DDX19B: variants seen among roughly 807,000 people sequenced by gnomAD.
The protein encoded by DDX19B is ATP-dependent RNA helicase DDX19B.
Under a neutral mutation model 58.1 loss-of-function variants are expected in DDX19B, and 27 were observed. That is an observed-to-expected ratio of 0.46 (90% CI 0.34 to 0.64). The LOEUF is 0.64. Ranked by LOEUF, DDX19B falls within the 30% of genes least tolerant of loss-of-function variation. The pLI is 0.01. For missense variants in DDX19B, 399 were observed against 596.5 expected (o/e 0.67, Z 3.45); for synonymous variants, 187 against 214.4 (o/e 0.87, Z 1.12).
At chr16:70,319,979 C>A (rs1026844343) in intron 5 of DDX19B, among the ~76,000 whole-genome samples, 1 of 152,100 alleles carries the variant, frequency 6.6e-6, no homozygotes, top group Non-Finnish European at 1.5e-5. Flanking sequence ...GACATTTTCT[C>A]CAGATGGATA....
chr16:70,297,017 G>A (rs1269902655), upstream of DDX19B, among the ~76,000 whole-genome samples: 1 of 152,120 alleles, frequency 6.6e-6, no homozygotes, highest in Non-Finnish European at 1.5e-5. Flanking sequence ...CCGGGTTCAA[G>A]CGATTCTCCT....
At chr16:70,322,795 G>A (rs1962912936) in intron 5 of DDX19B, among the ~76,000 whole-genome samples, 1 of 151,362 alleles carries the variant, frequency 6.6e-6, no homozygotes, top group Admixed American at 6.6e-5. Flanking sequence ...TGGAGGCTGG[G>A]GCAGAAGAAT....
At chr16:70,330,938 G>A (rs943050064) in intron 9 of DDX19B, among the ~76,000 whole-genome samples, 6 of 151,816 alleles carry the variant, frequency 4.0e-5, no homozygotes, top group Admixed American at 2.0e-4. Context: ...CCAGCTGCTT[G>A]GGAGGCTCAG....
Position 70,331,898 on chromosome 16 carries a change from G to A in DDX19B, c.1186+14G>A, listed in dbSNP as rs374845435. On this transcript the variant is annotated intron_variant, in intron 10 of 11. Coordinates refer to ENST00000288071, the MANE Select transcript of DDX19B (RefSeq NM_007242.7). ...TGTGTGCCCGCGGTGAGCAGAGGACGTGTCCCACCTGGTCTGCCAGGCTTG... is the reference window on the plus strand; with the variant it reads ...TGTGTGCCCGCGGTGAGCAGAGGACATGTCCCACCTGGTCTGCCAGGCTTG... 5.4e-5 allele frequency: 87 copies of A among 1,611,310 alleles called. No homozygotes were observed. The highest frequency in any genetic ancestry group is 6.1e-5 in the Non-Finnish European group (72 of 1,178,420).
At position 70,308,816 on chromosome 16, in the gene DDX19B, T is replaced by C. The variant is rs145324465; in HGVS notation, c.58-3793T>C. ...GTGTGAGCCACTGTGCCCAGCTGTT[T>C]TTTTTTTTTTAAAGTTCTAGGGTGC... On this transcript the variant is annotated intron_variant, in intron 1 of 11. Transcript: ENST00000288071. Among the ~76,000 whole-genome samples, 744 of 151,888 alleles carry C rather than the reference T, an allele frequency of 4.9e-3. 13 individuals are homozygous for C. The highest frequency in any genetic ancestry group is 0.017 in the African/African-American group (689 of 41,410).
At chr16:70,318,609 T>C (rs963979688) in intron 5 of DDX19B, among the ~76,000 whole-genome samples, 1 of 147,560 alleles carries the variant, frequency 6.8e-6, no homozygotes, top group Non-Finnish European at 1.5e-5. Context: ...CTGACCAACA[T>C]GGCTAAACCC....
chr16:70,320,334 G>A (rs1289275301), intron 5 of DDX19B, among the ~76,000 whole-genome samples: 3 of 148,842 alleles, frequency 2.0e-5, no homozygotes, highest in Non-Finnish European at 4.5e-5. Context: ...TCTTAATCTC[G>A]TGGCCTCAAG....
At chr16:70,332,666 T>C (rs1429274846) in intron 10 of DDX19B, among the ~76,000 whole-genome samples, 2 of 152,182 alleles carry the variant, frequency 1.3e-5, no homozygotes, top group African/African-American at 2.4e-5. Flanking sequence ...ACAGTGATTT[T>C]TGTCTCCTGT....
At chr16:70,323,401 T>C (rs985781490) in intron 5 of DDX19B, among the ~76,000 whole-genome samples, 1 of 151,558 alleles carries the variant, frequency 6.6e-6, no homozygotes, top group Admixed American at 6.6e-5. Context: ...CCACTGCACC[T>C]GACCTTGCCT....
rs758096529 is a variant in DDX19B, at chr16:70,333,096, G to A, written c.1315G>A (p.Ala439Thr). The change falls in exon 11 of 12, where the codon GCA becomes ACA. Residue 439 changes from alanine (A) to threonine (T), a missense_variant. Coordinates refer to ENST00000288071, the MANE Select transcript of DDX19B (RefSeq NM_007242.7). ...GGGCCGCTTTGGCAAGAGGGGCCTG[G>A]CAGTGAACATGGTGGACAGCAAGCA... The part of the protein sequence containing the change: ...RTGRFGKRGL[A>T]VNMVDSKHSM... The A allele has an allele frequency of 4.4e-6, 7 of 1,585,796 alleles. No homozygotes were observed. In the South Asian group the frequency reaches 7.9e-5, roughly 18 times the overall value.
intron 2 of DDX19B, among the ~76,000 whole-genome samples, chr16:70,313,427 A>G (rs1428046419): frequency 6.6e-6 from 1 of 152,214 alleles, no homozygotes; most frequent in Non-Finnish European, 1.5e-5. Context: ...CTGGGATTAC[A>G]GGAGTGAGAT....
chr16:70,328,734 C>T (rs2152212781), intron 7 of DDX19B, among the ~76,000 whole-genome samples: 1 of 152,138 alleles, frequency 6.6e-6, no homozygotes, highest in Non-Finnish European at 1.5e-5. Context: ...AATGCTAGAT[C>T]TTACTTATTT....
chr16:70,294,944 G>T, upstream of DDX19B: 2 of 1,486,556 alleles, frequency 1.3e-6, no homozygotes, highest in Non-Finnish European at 1.8e-6. Context: ...GTAGAAGCCA[G>T]ACCCTTTCCT....
chr16:70,318,462 A>G (rs1445564072), intron 5 of DDX19B, among the ~76,000 whole-genome samples: 1 of 152,014 alleles, frequency 6.6e-6, no homozygotes, highest in Non-Finnish European at 1.5e-5. Context: ...GGAGACTTCT[A>G]GACTTTTCTC....
intron 5 of DDX19B, among the ~76,000 whole-genome samples, chr16:70,318,809 A>AAG (rs991959596): frequency 6.7e-6 from 1 of 149,558 alleles, no homozygotes; most frequent in African/African-American, 2.5e-5. Context: ...AAAAAAAAAA[A>AAG]AAAGTTGACA....
upstream of DDX19B, among the ~76,000 whole-genome samples, chr16:70,296,808 G>A (rs1206206587): frequency 6.6e-6 from 1 of 152,092 alleles, no homozygotes; most frequent in African/African-American, 2.4e-5. Context: ...ATAGCAAGTA[G>A]AATGTTCTCT....
intron 3 of DDX19B, 114 bp downstream of exon 3, chr16:70,315,069 G>T (rs1353483880): frequency 1.8e-6 from 2 of 1,131,022 alleles, no homozygotes; most frequent in Non-Finnish European, 2.6e-6. Flanking sequence ...AGGCGATACA[G>T]TGCTAGCATA....
chr16:70,296,749 A>G (rs1170147795), upstream of DDX19B, among the ~76,000 whole-genome samples: 1 of 152,166 alleles, frequency 6.6e-6, no homozygotes, highest in African/African-American at 2.4e-5. Context: ...AACAAAAAAC[A>G]AAAACGTCTT....
At chr16:70,315,452 G>A (rs1484761493) in intron 3 of DDX19B, among the ~76,000 whole-genome samples, 5 of 151,504 alleles carry the variant, frequency 3.3e-5, no homozygotes, top group South Asian at 2.1e-4. Context: ...AATGGTTTAC[G>A]TTTAGAGAAA....
Sources: gnomAD v4.1 joint callset for allele counts (sites outside exome capture counted in the v4.1 genomes callset) on GRCh38, gnomAD v4.1.1 for gene constraint, MANE v1.5 for transcripts, NCBI Gene and HGNC (gene_info 2026-07-23, HGNC 2026-07-21) for gene names.